Variants in PEX5 observed in about 807,000 individuals in gnomAD.
The protein encoded by PEX5 is PTS1 receptor.
Under a neutral mutation model 82.9 loss-of-function variants are expected in PEX5, and 52 were observed. The ratio of observed to expected loss-of-function variants is 0.63; its 90% CI spans 0.50 to 0.79. The LOEUF (loss-of-function observed/expected upper bound fraction) is 0.79, where lower values mean the gene tolerates loss of function less well. PEX5 is among the 30% of genes least tolerant of loss of function. The pLI, the probability that PEX5 is intolerant of heterozygous loss-of-function variation, is 0.00. For synonymous variants in PEX5, 300 were observed against 318.8 expected (o/e 0.94, Z 0.63); for missense variants, 719 against 815.2 (o/e 0.88, Z 1.44).
In PEX5 at chr12:7,191,282, G is replaced by C. The variant is rs1486521211; in HGVS notation, c.240G>C (p.Gln80His). The change falls in exon 4 of 16, where the codon CAG (glutamine) becomes CAC (histidine). Residue 80 changes from glutamine (Q) to histidine (H), a missense_variant. By Grantham distance (24) the Gln-to-His change is conservative. Coordinates refer to ENST00000675855, the MANE Select transcript of PEX5 (RefSeq NM_001351132.2). ...CACCCCTTGTGTCCCGTGCCCCTCA[G>C]ACCTTCAAGATGGATGACCTCCTGG... ...QNAPLVSRAP[Q>H]TFKMDDLLAE... is the part of the protein sequence containing the mutation. 2 of 1,614,020 alleles carry C rather than the reference G, an allele frequency of 1.2e-6. No individual in the cohort carries two copies. The highest frequency in any genetic ancestry group is 4.5e-5 in the East Asian group (2 of 44,892).
chr12:7,214,300 CAA>C (rs1945714625), downstream of PEX5, among the ~76,000 whole-genome samples: 1 of 151,898 alleles, frequency 6.6e-6, no homozygotes, highest in Non-Finnish European at 1.5e-5. Context: ...TTCACAATAG[CAA>C]AGACTTGGAA....
At chr12:7,191,763 C>T in intron 5 of PEX5, 63 bp downstream of exon 5, 2 of 1,473,898 alleles carry the variant, frequency 1.4e-6, no homozygotes, top group Middle Eastern at 1.7e-4. Context: ...TACCCTTCCC[C>T]TGTTCACGTT....
intron 5 of PEX5, among the ~76,000 whole-genome samples, chr12:7,197,141 GTAA>G (rs201232061): frequency 0.032 from 225 of 7,066 alleles, 61 homozygotes; most frequent in South Asian, 0.045. Context: ...CATATATAAT[GTAA>G]TAATTATATA....
At chr12:7,198,595 C>G (rs925702541) in intron 5 of PEX5, among the ~76,000 whole-genome samples, 5 of 152,136 alleles carry the variant, frequency 3.3e-5, no homozygotes, top group Non-Finnish European at 5.9e-5. Flanking sequence ...GAGAACAGAC[C>G]AGTGCCTTGG....
intron 1 of PEX5, chr12:7,189,954 C>G (rs750531658): frequency 2.0e-6 from 3 of 1,490,848 alleles, no homozygotes; most frequent in African/African-American, 1.4e-5. Context: ...GCCGTGCTCA[C>G]CGCGTGCTGG....
At position 7,208,468 on chromosome 12, in the gene PEX5, T is replaced by C; in HGVS notation, c.1193T>C (p.Leu398Pro). 1 of 1,613,868 alleles carries C rather than the reference T, an allele frequency of 6.2e-7. No homozygotes were observed. Among genetic ancestry groups the C allele is most frequent in the Non-Finnish European group, 8.5e-7 (1 of 1,179,800 alleles). The part of the protein sequence containing the change: ...AISALRRCLE[L>P]KPDNQTALMA... The stretch of plus-strand genomic sequence containing the variant: ...CCCTGATCAAACAGGTGTCTGGAGC[T>C]AAAGCCAGATAACCAGACAGCACTG... Residue 398 changes from leucine (L) to proline (P), a missense_variant, in exon 13 of 16, where the codon CTA (leucine) becomes CCA (proline). Leu to Pro is a moderately conservative substitution (Grantham distance 98). Coordinates refer to ENST00000675855, the MANE Select transcript of PEX5 (RefSeq NM_001351132.2).
chr12:7,209,686 T>C lies in PEX5; in HGVS notation c.1564T>C (p.Tyr522His), dbSNP rs187029046. ...TAALSVRPND[Y>H]LLWNKLGATL... ...CCGTTCTGCATCCCTATCCCAGGAC[T>C]ATTTGCTGTGGAATAAGCTAGGCGC... is the stretch of plus-strand genomic sequence containing the variant. The change falls in exon 15 of 16, where the codon TAT becomes CAT. Residue 522 changes from tyrosine (Y) to histidine (H), a missense_variant. Tyr to His is a moderately conservative substitution (Grantham distance 83). Transcript: ENST00000675855. 1 of 1,476,200 alleles carries C rather than the reference T, an allele frequency of 6.8e-7. No individual in the cohort carries two copies. The highest frequency in any genetic ancestry group is 1.7e-5 in the African/African-American group (1 of 59,312). 91.4% of individuals were successfully genotyped at this position (1,476,200 alleles called of 1,614,324 possible). A position where few individuals can be genotyped will look rare whatever the true frequency, so the allele number is the denominator to read the frequency against.
intron 1 of PEX5, 152 bp downstream of exon 1, chr12:7,189,902 G>C: frequency 2.1e-6 from 3 of 1,422,068 alleles, no homozygotes; most frequent in Non-Finnish European, 2.7e-6. Flanking sequence ...GGCCGAGCCG[G>C]GGGAAGGGCT....
chr12:7,212,805 G>A (rs1446197099), downstream of PEX5: 2 of 152,176 alleles, frequency 1.3e-5, no homozygotes, highest in Non-Finnish European at 2.9e-5. Context: ...GAGGAAAACA[G>A]GAAGCTGTTG....
At chr12:7,189,529 A>C, upstream of PEX5, 1 of 174,112 alleles carries the variant, frequency 5.7e-6, no homozygotes. Flanking sequence ...CCCGCTCTCT[A>C]AGGTGCTCTT....
In PEX5 at chr12:7,191,300, C is replaced by T. The variant is rs144351488; in HGVS notation, c.258C>T (p.Asp86=). The part of the protein sequence containing the change: ...SRAPQTFKMD[D]LLAEMQQIEQ... Reference sequence around the variant, plus strand: ...CCCCTCAGACCTTCAAGATGGATGACCTCCTGGCTGAGATGCAGCAGATTG... The same window carrying T: ...CCCCTCAGACCTTCAAGATGGATGATCTCCTGGCTGAGATGCAGCAGATTG... The change falls in exon 4 of 16, where the codon GAC becomes GAT. Residue 86 remains aspartate (D), a synonymous_variant. Transcript: ENST00000675855. 33 of 1,614,146 alleles carry T rather than the reference C, an allele frequency of 2.0e-5. 1 individual carries two copies. In the African/African-American group the frequency reaches 3.7e-4, roughly 18 times the overall value.
chr12:7,207,763 T>C lies in PEX5; in HGVS notation c.1071T>C (p.Leu357=). The C allele has an allele frequency of 6.2e-7, 1 of 1,614,026 alleles. No individual in the cohort carries two copies. ...GGGACCTGCCAAATGCTGTGCTGCT[T>C]TTTGAGGCAGCTGTGCAGCAGGATC... The part of the protein sequence containing the change: ...QEGDLPNAVL[L]FEAAVQQDPK... The change falls in exon 11 of 16, where the codon CTT becomes CTC. Residue 357 remains leucine (L), a synonymous_variant. Coordinates refer to ENST00000675855, the MANE Select transcript of PEX5 (RefSeq NM_001351132.2).
intron 5 of PEX5, among the ~76,000 whole-genome samples, chr12:7,193,718 T>C (rs1281398167): frequency 2.0e-5 from 3 of 152,222 alleles, no homozygotes; most frequent in Non-Finnish European, 2.9e-5. Flanking sequence ...ATTGCTACTA[T>C]GAGCGTTGAG....
intron 1 of PEX5, 141 bp downstream of exon 1, chr12:7,189,891 G>A (rs886430800): frequency 7.8e-6 from 11 of 1,407,496 alleles, no homozygotes; most frequent in Non-Finnish European, 8.3e-6. Flanking sequence ...GGGAGGGACC[G>A]GGCCGAGCCG....
At chr12:7,200,571 T>C (rs1419381854) in intron 6 of PEX5, among the ~76,000 whole-genome samples, 2 of 152,060 alleles carry the variant, frequency 1.3e-5, no homozygotes, top group Non-Finnish European at 2.9e-5. Context: ...CGAGCCGAGA[T>C]CACGCCACTG....
chr12:7,193,557 C>T (rs1217273130), intron 5 of PEX5, among the ~76,000 whole-genome samples: 3 of 152,096 alleles, frequency 2.0e-5, no homozygotes, highest in African/African-American at 4.8e-5. Context: ...GTGAAATTGC[C>T]GCAAGTTAAA....
At chr12:7,207,827 C>G in intron 11 of PEX5, 25 bp downstream of exon 11, 1 of 1,613,198 alleles carries the variant, frequency 6.2e-7, no homozygotes, top group Non-Finnish European at 8.5e-7. Flanking sequence ...AGTCTCATTT[C>G]TGGCTAGAGA....
chr12:7,199,715 T>C (rs1347825842), intron 6 of PEX5, among the ~76,000 whole-genome samples: 1 of 150,686 alleles, frequency 6.6e-6, no homozygotes, highest in East Asian at 2.0e-4. Flanking sequence ...CAATGAGCTA[T>C]TGGGTACACC....
intron 15 of PEX5, 27 bp downstream of exon 15, chr12:7,209,867 G>A (rs754063576): frequency 1.9e-6 from 3 of 1,613,610 alleles, no homozygotes; most frequent in Admixed American, 3.3e-5. Flanking sequence ...AGAAATGAAT[G>A]AATGAGCTTT....
Sources: allele counts gnomAD v4.1 joint callset (sites outside exome capture counted in the v4.1 genomes callset), GRCh38; gene constraint gnomAD v4.1.1; transcripts MANE v1.5; gene names NCBI Gene and HGNC (gene_info 2026-07-23, HGNC 2026-07-21).